SEC31A: variants seen among roughly 807,000 people sequenced by gnomAD.
SEC31A encodes SEC31 homolog A, COPII component.
In SEC31A, 70 loss-of-function variants were observed where a neutral mutation model predicts 151.0. That is an observed-to-expected ratio of 0.46 (90% CI 0.38 to 0.57). SEC31A has a LOEUF of 0.57. Among genes scored for constraint, SEC31A ranks in the 20% least tolerant of loss-of-function variants. The pLI, the probability that SEC31A is intolerant of heterozygous loss-of-function variation, is 0.00. For missense variants in SEC31A, 1,330 were observed against 1,471.2 expected (o/e 0.90, Z 1.57); for synonymous variants, 475 against 505.9 (o/e 0.94, Z 0.82).
chr4:82,863,479 T>C, intron 11 of SEC31A, 87 bp from the exon 12 acceptor site: 1 of 708,820 alleles, frequency 1.4e-6, no homozygotes, highest in Admixed American at 3.0e-5. Context: ...CCAAAGAGAA[T>C]TATTAAAAAT....
At chr4:82,892,222 G>GT (rs1187632380), upstream of SEC31A, among the ~76,000 whole-genome samples, 1 of 152,210 alleles carries the variant, frequency 6.6e-6, no homozygotes, top group Non-Finnish European at 1.5e-5. Flanking sequence ...TTTCAACGCA[G>GT]TAACTAAGGT....
chr4:82,856,889 C>T (rs1732808732), intron 16 of SEC31A, 63 bp downstream of exon 16: 7 of 1,326,784 alleles, frequency 5.3e-6, no homozygotes, highest in Non-Finnish European at 7.3e-6. Flanking sequence ...TCTATAATAA[C>T]AGTGTATTGT....
intron 20 of SEC31A, among the ~76,000 whole-genome samples, chr4:82,848,350 A>T (rs1198644502): frequency 6.6e-6 from 1 of 150,572 alleles, no homozygotes; most frequent in African/African-American, 2.4e-5. Context: ...GATACACTTC[A>T]TATTGTGCAA....
chr4:82,857,154 C>G (rs77202326), intron 15 of SEC31A, 24 bp from the exon 16 acceptor site: 9 of 1,598,484 alleles, frequency 5.6e-6, no homozygotes, highest in Non-Finnish European at 7.7e-6. Context: ...ATAATACATC[C>G]AAGTTAAATA....
chr4:82,847,336 C>G (rs1730455070), intron 20 of SEC31A, among the ~76,000 whole-genome samples: 1 of 152,222 alleles, frequency 6.6e-6, no homozygotes, highest in South Asian at 2.1e-4. Context: ...CTCATTCATT[C>G]AGTACATCTT....
chr4:82,852,248 C>T (rs1293295561), intron 18 of SEC31A, among the ~76,000 whole-genome samples: 1 of 152,142 alleles, frequency 6.6e-6, no homozygotes, highest in Non-Finnish European at 1.5e-5. Context: ...GTTCATTAAA[C>T]CTCTTTTTCT....
At chr4:82,874,531 G>C (rs1737490463) in intron 6 of SEC31A, 80 bp downstream of exon 6, 2 of 1,339,834 alleles carry the variant, frequency 1.5e-6, no homozygotes, top group Non-Finnish European at 2.0e-6. Flanking sequence ...AATTTGATTT[G>C]TTGTCAACTC....
At chr4:82,889,502 G>A (rs1304805916) in intron 1 of SEC31A, among the ~76,000 whole-genome samples, 1 of 143,812 alleles carries the variant, frequency 7.0e-6, no homozygotes, top group Admixed American at 7.3e-5. Flanking sequence ...AGCTATGACT[G>A]CACCACTGCA....
chr4:82,869,081 T>C (rs989185205), intron 8 of SEC31A, among the ~76,000 whole-genome samples: 2 of 152,140 alleles, frequency 1.3e-5, no homozygotes, highest in East Asian at 3.8e-4. Context: ...AGATGATTTA[T>C]CTATCCTTTA....
At chr4:82,871,837 T>TAA in intron 7 of SEC31A, 107 bp downstream of exon 7, 15 of 1,204,288 alleles carry the variant, frequency 1.2e-5, no homozygotes, top group African/African-American at 3.1e-5. Context: ...AAACTCCATC[T>TAA]AAAAAAAAAA....
At chr4:82,838,520 T>A (rs539884975) in intron 22 of SEC31A, among the ~76,000 whole-genome samples, 2 of 152,330 alleles carry the variant, frequency 1.3e-5, no homozygotes, top group Non-Finnish European at 2.9e-5. Context: ...ACAATTTATC[T>A]TGCAAGGCCA....
intron 22 of SEC31A, 163 bp from the exon 23 acceptor site, chr4:82,829,221 TCA>T: frequency 3.5e-6 from 2 of 574,902 alleles, no homozygotes; most frequent in Non-Finnish European, 6.2e-6. Flanking sequence ...CCCTGGATTC[TCA>T]CACTCACATC....
intron 22 of SEC31A, among the ~76,000 whole-genome samples, chr4:82,833,624 G>A (rs562808115): frequency 6.6e-6 from 1 of 151,734 alleles, no homozygotes; most frequent in Non-Finnish European, 1.5e-5. Flanking sequence ...TATAGCAGTG[G>A]ACAAGAGAAA....
intron 1 of SEC31A, among the ~76,000 whole-genome samples, chr4:82,882,704 T>C (rs1739666246): frequency 6.6e-6 from 1 of 152,196 alleles, no homozygotes; most frequent in South Asian, 2.1e-4. Context: ...AGTTACAACA[T>C]ATTAGAGAGA....
At chr4:82,879,985 T>C (rs919926675) in intron 3 of SEC31A, among the ~76,000 whole-genome samples, 1 of 152,192 alleles carries the variant, frequency 6.6e-6, no homozygotes, top group Non-Finnish European at 1.5e-5. Context: ...ATCTACCTTT[T>C]TGTAAACAGG....
At chr4:82,887,714 G>GCAT (rs1382453389) in intron 1 of SEC31A, among the ~76,000 whole-genome samples, 1 of 152,238 alleles carries the variant, frequency 6.6e-6, no homozygotes, top group African/African-American at 2.4e-5. Flanking sequence ...ATAAATGACA[G>GCAT]TTATTACAAA....
chr4:82,823,302 G>C (rs909838651), intron 25 of SEC31A, among the ~76,000 whole-genome samples: 2 of 152,132 alleles, frequency 1.3e-5, no homozygotes, highest in Admixed American at 1.3e-4. Flanking sequence ...TTCCATTTTT[G>C]AATGACTACA....
chr4:82,876,501 G>C (rs1187525445), intron 4 of SEC31A, among the ~76,000 whole-genome samples: 1 of 152,150 alleles, frequency 6.6e-6, no homozygotes, highest in Admixed American at 6.5e-5. Context: ...AGATTAAAAA[G>C]GTCATCAATT....
At chr4:82,821,859 A>G (rs1723439102) in intron 25 of SEC31A, among the ~76,000 whole-genome samples, 1 of 152,200 alleles carries the variant, frequency 6.6e-6, no homozygotes, top group South Asian at 2.1e-4. Context: ...GAACTGTGGA[A>G]TCTTGTTTTA....
Sources: gnomAD v4.1 joint callset for allele counts (sites outside exome capture counted in the v4.1 genomes callset) on GRCh38, gnomAD v4.1.1 for gene constraint, MANE v1.5 for transcripts, NCBI Gene and HGNC (gene_info 2026-07-23, HGNC 2026-07-21) for gene names.